The following FAM234B variants were observed in gnomAD, a reference collection of about 807,000 sequenced individuals.
The protein encoded by FAM234B is protein FAM234B.
In FAM234B, 33 loss-of-function variants were observed where a neutral mutation model predicts 69.3. The observed-to-expected ratio is 0.48, with a 90% confidence interval of 0.36 to 0.64. The LOEUF (loss-of-function observed/expected upper bound fraction) is 0.64, where lower values mean the gene tolerates loss of function less well. Ranked by LOEUF, FAM234B falls within the 30% of genes least tolerant of loss-of-function variation. The pLI, the probability that FAM234B is intolerant of heterozygous loss-of-function variation, is 0.00. For missense variants in FAM234B, 697 were observed against 769.7 expected (o/e 0.91, Z 1.12); for synonymous variants, 306 against 306.9 (o/e 1.00, Z 0.03).
chr12:13,066,592 A>T, intron 5 of FAM234B, 48 bp from the exon 6 acceptor site: 1 of 1,537,196 alleles, frequency 6.5e-7, no homozygotes, highest in Non-Finnish European at 8.8e-7. Flanking sequence ...TTTCATTAGC[A>T]AACGATAGGG....
chr12:13,061,545 C>T (rs1864982226), intron 3 of FAM234B, 30 bp from the exon 4 acceptor site: 1 of 1,578,700 alleles, frequency 6.3e-7, no homozygotes, highest in South Asian at 1.2e-5. Flanking sequence ...TGCCTGCTTT[C>T]CTTTTTTTAT....
chr12:13,066,153 T>C (rs748665327), intron 5 of FAM234B, among the ~76,000 whole-genome samples: 2 of 152,218 alleles, frequency 1.3e-5, no homozygotes, highest in Non-Finnish European at 2.9e-5. Context: ...AAATATATAC[T>C]ATTTGACCCT....
chr12:13,046,255 C>A (rs1489783773), intron 1 of FAM234B, among the ~76,000 whole-genome samples: 2 of 152,096 alleles, frequency 1.3e-5, no homozygotes, highest in African/African-American at 2.4e-5. Context: ...TGTTCACTTG[C>A]GTTTTTCCTT....
chr12:13,044,399 C>G lies in FAM234B; in HGVS notation c.-5C>G, dbSNP rs780031328. ...GGCGCGCGCACGCGCACCGGGGCCT[C>G]AGCCATGGCGACCGTGCTGTCCAGG... On this transcript the variant is annotated 5_prime_UTR_variant, in exon 1 of 13. Coordinates refer to ENST00000197268, the MANE Select transcript of FAM234B (RefSeq NM_020853.2). The surrounding 1 kb of genome is among the most constrained non-coding windows in gnomAD (Gnocchi z 5.6). 6.4e-7 allele frequency: 1 copy of G among 1,551,488 alleles called. No individual in the cohort carries two copies. Among genetic ancestry groups the G allele is most frequent in the South Asian group, 1.2e-5 (1 of 84,092 alleles).
In FAM234B at chr12:13,067,705, T is replaced by A. The variant is rs1228823676; in HGVS notation, c.1142+409T>A. 1.3e-5 allele frequency among the ~76,000 whole-genome samples: 2 copies of A among 152,274 alleles called. No individual in the cohort carries two copies. The highest frequency in any genetic ancestry group is 6.5e-5 in the Admixed American group (1 of 15,292). ...ATAGTGTCCATGAAATCTTATTTTTTATTTTTATTTATTTCCTAACTAGAA... is the reference window on the plus strand; with the variant it reads ...ATAGTGTCCATGAAATCTTATTTTTAATTTTTATTTATTTCCTAACTAGAA... On this transcript the variant is annotated intron_variant, in intron 7 of 12. Coordinates refer to ENST00000197268, the MANE Select transcript of FAM234B (RefSeq NM_020853.2). The surrounding 1 kb of genome is among the most constrained non-coding windows in gnomAD (Gnocchi z 4.7).
chr12:13,076,336 G>A (rs912656766), intron 11 of FAM234B, among the ~76,000 whole-genome samples, 193 bp downstream of exon 11: 5 of 152,212 alleles, frequency 3.3e-5, no homozygotes, highest in African/African-American at 1.2e-4. Flanking sequence ...GGCTCACAGG[G>A]TGAGAACCCA....
intron 10 of FAM234B, among the ~76,000 whole-genome samples, chr12:13,073,153 C>CTTTTTTTTT (rs200786648): frequency 7.0e-6 from 1 of 142,504 alleles, no homozygotes. Flanking sequence ...CTTTTTTTGT[C>CTTTTTTTTT]TTTTTTTTTT....
chr12:13,052,096 T>C (rs913936394), intron 1 of FAM234B, among the ~76,000 whole-genome samples: 1 of 152,178 alleles, frequency 6.6e-6, no homozygotes, highest in Non-Finnish European at 1.5e-5. Flanking sequence ...ATATGTCTCT[T>C]ATGATTGATA....
intron 3 of FAM234B, among the ~76,000 whole-genome samples, chr12:13,061,091 C>T (rs1864978028): frequency 6.6e-6 from 1 of 152,200 alleles, no homozygotes; most frequent in African/African-American, 2.4e-5. Context: ...GTATTTTGCT[C>T]CCCGCGCTGC....
chr12:13,068,782 G>A, intron 9 of FAM234B, 71 bp downstream of exon 9: 3 of 968,530 alleles, frequency 3.1e-6, no homozygotes, highest in Non-Finnish European at 4.8e-6. Flanking sequence ...CCTGTGTTAG[G>A]CACAGCAGGG....
At chr12:13,079,174 A>G (rs982467378) in intron 11 of FAM234B, among the ~76,000 whole-genome samples, 10 of 152,226 alleles carry the variant, frequency 6.6e-5, no homozygotes, top group Middle Eastern at 3.4e-3. Flanking sequence ...ACAGCATGGT[A>G]TTGGTACCAA....
chr12:13,065,296 G>C (rs930797118), intron 5 of FAM234B, among the ~76,000 whole-genome samples: 2 of 152,028 alleles, frequency 1.3e-5, no homozygotes, highest in African/African-American at 4.8e-5. Context: ...CCCATTTCTC[G>C]TACTGTTCCT....
chr12:13,074,098 C>T (rs543861929), intron 10 of FAM234B, among the ~76,000 whole-genome samples: 1 of 152,308 alleles, frequency 6.6e-6, no homozygotes, highest in African/African-American at 2.4e-5. Flanking sequence ...ATATCTTACC[C>T]TTCTTGGTGC....
chr12:13,068,537 A>G, intron 8 of FAM234B, 90 bp downstream of exon 8: 1 of 1,583,752 alleles, frequency 6.3e-7, no homozygotes, highest in East Asian at 2.2e-5. Context: ...CAATTCTTAT[A>G]TCTGGGGCCA....
rs1865052667 is a variant in FAM234B at position 13,067,420 on chromosome 12, T to C, written c.1142+124T>C. 1 of 974,468 alleles carries C rather than the reference T, an allele frequency of 1.0e-6. No homozygotes were observed. The highest frequency in any genetic ancestry group is 1.5e-6 in the Non-Finnish European group (1 of 646,382). 60.4% of individuals were successfully genotyped at this position (974,468 alleles called of 1,614,324 possible). On this transcript the variant is annotated intron_variant, in intron 7 of 12. Coordinates refer to ENST00000197268, the MANE Select transcript of FAM234B (RefSeq NM_020853.2). This position sits in a 1 kb window ranked among gnomAD's most constrained non-coding sequence, Gnocchi z 4.7. ...AGGTTTAGGGGAAACAGTGCTTATC[T>C]TAATTTACCATCTTCTGATCTGGTT...
chr12:13,064,748 C>T (rs1865019533), intron 5 of FAM234B, among the ~76,000 whole-genome samples: 1 of 152,150 alleles, frequency 6.6e-6, no homozygotes, highest in Non-Finnish European at 1.5e-5. Context: ...CTTGTACTGA[C>T]CTCTTTTGAC....
At chr12:13,078,319 G>A (rs976947762) in intron 11 of FAM234B, among the ~76,000 whole-genome samples, 13 of 152,082 alleles carry the variant, frequency 8.5e-5, no homozygotes, top group African/African-American at 3.1e-4. Context: ...ATTGCTTTTG[G>A]TGTTTTAGAC....
intron 3 of FAM234B, among the ~76,000 whole-genome samples, chr12:13,060,162 A>G (rs541566836): frequency 2.6e-5 from 4 of 152,178 alleles, no homozygotes; most frequent in Non-Finnish European, 5.9e-5. Context: ...ACTGCTGGTA[A>G]ATGATAGAGC....
intron 10 of FAM234B, 132 bp downstream of exon 10, chr12:13,071,528 G>T (rs1293647295): frequency 4.9e-6 from 4 of 814,816 alleles, no homozygotes; most frequent in South Asian, 3.6e-5. Flanking sequence ...GTCAGCACTC[G>T]CTGGAGAAAA....
Sources: gnomAD v4.1 joint callset for allele counts (sites outside exome capture counted in the v4.1 genomes callset) on GRCh38, gnomAD v4.1.1 for gene constraint, Gnocchi (gnomAD v3.1) non-coding constraint, MANE v1.5 for transcripts, NCBI Gene and HGNC (gene_info 2026-07-23, HGNC 2026-07-21) for gene names.